The following TJP1 variants were observed in gnomAD, a reference collection of about 807,000 sequenced individuals.
The protein encoded by TJP1 is tight junction protein 1.
A neutral mutation model predicts 194.2 loss-of-function variants in TJP1; 43 were observed. That is an observed-to-expected ratio of 0.22 (90% CI 0.17 to 0.29). The LOEUF is 0.29. TJP1 is among the 10% of genes least tolerant of loss of function. The pLI is 1.00. For synonymous variants in TJP1, 801 were observed against 779.0 expected (o/e 1.03, Z -0.47); for missense variants, 1,971 against 2,185.7 (o/e 0.90, Z 1.96).
intron 2 of TJP1, 50 bp downstream of exon 2, chr15:29,800,596 T>C: frequency 6.3e-7 from 1 of 1,579,518 alleles, no homozygotes; most frequent in East Asian, 2.2e-5. Flanking sequence ...TTTTCAAAGC[T>C]GCCAGTATCC....
At position 29,733,107 on chromosome 15, in the gene TJP1, G is replaced by GGAT; in HGVS notation, c.1720_1722dup (p.Ile574dup). On this transcript the variant is annotated inframe_insertion, in exon 13 of 28. Coordinates refer to ENST00000614355, the MANE Select transcript of TJP1 (RefSeq NM_001330239.4). ...AAGCATTCATACCTGTTCTTATTAG[G>GGAT]GATGATGCCTCGTTCTACCTCCTTA... The GGAT allele has an allele frequency of 6.2e-7, 1 of 1,613,846 alleles. No individual in the cohort carries two copies. Among genetic ancestry groups the GGAT allele is most frequent in the Non-Finnish European group, 8.5e-7 (1 of 1,179,898 alleles).
intron 2 of TJP1, among the ~76,000 whole-genome samples, chr15:29,775,830 T>C (rs1595855622): frequency 2.0e-5 from 3 of 152,018 alleles, no homozygotes; most frequent in South Asian, 2.1e-4. Context: ...ATGGCCAAAA[T>C]TGACCCTATT....
chr15:29,879,316 C>T (rs188238814), intron 2 of TJP1, among the ~76,000 whole-genome samples: 3 of 152,082 alleles, frequency 2.0e-5, no homozygotes, highest in South Asian at 2.1e-4. Context: ...AACAGACGGA[C>T]GGCAAGGCTC....
At chr15:29,809,600 C>G (rs564778219) in intron 1 of TJP1, among the ~76,000 whole-genome samples, 1 of 152,220 alleles carries the variant, frequency 6.6e-6, no homozygotes, top group African/African-American at 2.4e-5. Flanking sequence ...AATCTCAGCA[C>G]TTGGGAGGCC....
At chr15:29,898,389 T>G (rs2053540931) in intron 2 of TJP1, among the ~76,000 whole-genome samples, 1 of 152,196 alleles carries the variant, frequency 6.6e-6, no homozygotes, top group Non-Finnish European at 1.5e-5. Context: ...AATTGCCCAG[T>G]CTTGGATATG....
chr15:29,767,096 C>T lies in TJP1; in HGVS notation c.313-554G>A, dbSNP rs536147008. 1.1e-4 allele frequency among the ~76,000 whole-genome samples: 16 copies of T among 152,340 alleles called. No individual in the cohort carries two copies. In the East Asian group the frequency reaches 3.1e-3, roughly 29 times the overall value. On this transcript the variant is annotated intron_variant, in intron 4 of 27. Transcript: ENST00000614355. The stretch of plus-strand genomic sequence containing the variant: ...GTACTTCACCAACACAAACTGCTTT[C>T]AGTCTCTGGATCTCTTCAATTTGTA...
At chr15:29,860,867 G>A (rs1290181182) in intron 2 of TJP1, among the ~76,000 whole-genome samples, 1 of 152,076 alleles carries the variant, frequency 6.6e-6, no homozygotes, top group Non-Finnish European at 1.5e-5. Flanking sequence ...CCTTGTTAGC[G>A]TTTCTTAGCA....
intron 5 of TJP1, among the ~76,000 whole-genome samples, chr15:29,764,243 T>C (rs1477771838): frequency 2.0e-5 from 3 of 152,134 alleles, no homozygotes; most frequent in African/African-American, 4.8e-5. Context: ...GAGGAAGATA[T>C]ACTAAAGTTA....
intron 2 of TJP1, among the ~76,000 whole-genome samples, chr15:29,788,973 A>T (rs1023475951): frequency 1.3e-5 from 2 of 152,204 alleles, no homozygotes; most frequent in Non-Finnish European, 2.9e-5. Context: ...CACTTCAAAA[A>T]TGGCTAGTGT....
At chr15:29,829,483 C>T (rs2050771023) in intron 2 of TJP1, among the ~76,000 whole-genome samples, 1 of 152,008 alleles carries the variant, frequency 6.6e-6, no homozygotes, top group Non-Finnish European at 1.5e-5. Context: ...GTTCAGGAAA[C>T]TTTTTTCCTC....
At chr15:29,734,911 AGT>A (rs1165554150) in intron 11 of TJP1, among the ~76,000 whole-genome samples, 3 of 152,192 alleles carry the variant, frequency 2.0e-5, no homozygotes, top group Non-Finnish European at 4.4e-5. Context: ...AATAGTATTC[AGT>A]GTGTCCTGAC....
chr15:29,782,591 C>A (rs2047431745), intron 2 of TJP1, among the ~76,000 whole-genome samples: 1 of 151,910 alleles, frequency 6.6e-6, no homozygotes, highest in South Asian at 2.1e-4. Flanking sequence ...CTATAAAAAC[C>A]CTGGAAGACA....
intron 2 of TJP1, among the ~76,000 whole-genome samples, chr15:29,866,982 A>G (rs1191971194): frequency 1.3e-5 from 2 of 152,218 alleles, no homozygotes; most frequent in Middle Eastern, 3.2e-3. Context: ...GTCTTCACTC[A>G]GTTCCAGTTT....
At chr15:29,789,497 A>G (rs950059770) in intron 2 of TJP1, among the ~76,000 whole-genome samples, 1 of 152,210 alleles carries the variant, frequency 6.6e-6, no homozygotes, top group Non-Finnish European at 1.5e-5. Context: ...TGCTTGGCAT[A>G]CAGTAGAACA....
chr15:29,706,181 C>T (rs1355922812), intron 25 of TJP1, among the ~76,000 whole-genome samples: 1 of 152,210 alleles, frequency 6.6e-6, no homozygotes, highest in Non-Finnish European at 1.5e-5. Flanking sequence ...GATCCACCTG[C>T]CTTGGTCTCC....
chr15:29,914,905 G>T (rs2054137252), intron 2 of TJP1, among the ~76,000 whole-genome samples: 1 of 151,770 alleles, frequency 6.6e-6, no homozygotes, highest in African/African-American at 2.4e-5. Context: ...TGCACACACA[G>T]GCACACACTC....
rs45472792 is a variant in TJP1 at position 29,737,500 on chromosome 15, TTAAA to T, written c.1257-90_1257-87del. ...ACTACAGTGAAAACTATATTCAGAA[TTAAA>T]TAAAGAACCATCATTTCTAAAACTT... is the stretch of plus-strand genomic sequence containing the variant. On this transcript the variant is annotated intron_variant, in intron 10 of 27. Transcript: ENST00000614355. The T allele has an allele frequency of 2.6e-3, 3,736 of 1,435,412 alleles. 97 individuals carry two copies. The African/African-American group carries it at 0.048, about 18-fold the overall frequency. The allele number at this position is 1,435,412 out of a possible 1,614,324, so 88.9% of individuals were successfully genotyped here. A position where few individuals can be genotyped will look rare whatever the true frequency, so the allele number is the denominator to read the frequency against.
chr15:29,811,665 T>C (rs1353477154), intron 1 of TJP1, among the ~76,000 whole-genome samples: 1 of 152,216 alleles, frequency 6.6e-6, no homozygotes, highest in Non-Finnish European at 1.5e-5. Context: ...GCCATTGTAA[T>C]AATTTTTTCA....
chr15:29,819,269 G>C lies in TJP1; in HGVS notation c.27+2733C>G, dbSNP rs148292253. Among the ~76,000 whole-genome samples, 1,108 of 152,100 alleles carry C rather than the reference G, an allele frequency of 7.3e-3. 12 individuals are homozygous for C. The highest frequency in any genetic ancestry group is 0.025 in the African/African-American group (1,053 of 41,478). On this transcript the variant is annotated intron_variant, in intron 1 of 27. Coordinates refer to ENST00000614355, the MANE Select transcript of TJP1 (RefSeq NM_001330239.4). ...ACCAATAGTCCTAGCACCATACATT[G>C]AACAAGCCACTTTCTCCAATAGTCT...
Sources: gnomAD v4.1 joint callset for allele counts (sites outside exome capture counted in the v4.1 genomes callset) on GRCh38, gnomAD v4.1.1 for gene constraint, MANE v1.5 for transcripts, NCBI Gene and HGNC (gene_info 2026-07-23, HGNC 2026-07-21) for gene names.